UNC79: variants seen among roughly 807,000 people sequenced by gnomAD.
UNC79 encodes unc-79 subunit of NALCN channel complex.
UNC79 carries 37 observed loss-of-function variants against 283.1 expected under a neutral mutation model. The observed-to-expected ratio is 0.13, with a 90% CI of 0.10 to 0.17. UNC79 has a LOEUF of 0.17. UNC79 is among the 10% of genes least tolerant of loss of function. The probability of loss-of-function intolerance (pLI) is 1.00; values close to 1 mark genes in which losing one functional copy is unlikely to be tolerated. For synonymous variants in UNC79, 1,107 were observed against 1,200.2 expected, an observed-to-expected ratio of 0.92 and a Z score of 1.61; for missense variants, 2,272 against 3,211.1, an observed-to-expected ratio of 0.71 and a Z score of 7.07.
At chr14:93,399,573 C>A (rs917225251) in intron 1 of UNC79, among the ~76,000 whole-genome samples, 1 of 152,212 alleles carries the variant, frequency 6.6e-6, no homozygotes, top group Non-Finnish European at 1.5e-5. Flanking sequence ...TTTATTAGAT[C>A]CTTAATATGT....
intron 1 of UNC79, among the ~76,000 whole-genome samples, chr14:93,412,901 A>G (rs1336555968): frequency 2.0e-5 from 3 of 152,164 alleles, no homozygotes; most frequent in Non-Finnish European, 2.9e-5. Context: ...GAGTACTTCA[A>G]TCAGAAAAAA....
At chr14:93,471,453 A>G (rs68112619) in intron 2 of UNC79, among the ~76,000 whole-genome samples, 12,136 of 152,094 alleles carry the variant, frequency 0.08, 574 homozygotes, top group Middle Eastern at 0.19. Context: ...GCAGAGTCAA[A>G]CTCTTCTGAG....
intron 5 of UNC79, among the ~76,000 whole-genome samples, chr14:93,488,739 C>G (rs1415845161): frequency 6.6e-6 from 1 of 152,054 alleles, no homozygotes; most frequent in African/African-American, 2.4e-5. Flanking sequence ...GAGTTGATGT[C>G]TGGTGAGGGC....
chr14:93,396,525 G>T (rs986940865), intron 1 of UNC79, among the ~76,000 whole-genome samples: 3 of 151,920 alleles, frequency 2.0e-5, no homozygotes, highest in Admixed American at 1.3e-4. Context: ...TTGAAAGCTA[G>T]ACATTTTAAG....
chr14:93,452,637 C>A (rs1191150638), intron 1 of UNC79, among the ~76,000 whole-genome samples: 1 of 152,120 alleles, frequency 6.6e-6, no homozygotes, highest in Non-Finnish European at 1.5e-5. Context: ...ACCCACCCGC[C>A]TCGGCTTCCC....
At chr14:93,582,137 C>T (rs1027207115) in intron 19 of UNC79, 66 bp from the exon 20 acceptor site, 7 of 1,611,446 alleles carry the variant, frequency 4.3e-6, no homozygotes, top group Non-Finnish European at 5.1e-6. Flanking sequence ...CTTTGCTGAG[C>T]TGAGCAAACC....
chr14:93,460,641 A>C (rs545038714), intron 1 of UNC79, among the ~76,000 whole-genome samples: 2 of 152,278 alleles, frequency 1.3e-5, no homozygotes, highest in Non-Finnish European at 2.9e-5. Context: ...ACGATTTCTT[A>C]ATTCTTACCG....
rs1595160613 is a variant in UNC79 at position 93,704,190 on chromosome 14, T to A, written c.7549-435T>A. ...GGCATCTTGGAGTGGTCTTTCTCGC[T>A]CACTTAAGTGTTCCATCCACTGACC... On this transcript the variant is annotated intron_variant, in intron 47 of 48. Coordinates refer to ENST00000555664, the Ensembl canonical transcript of UNC79. Among the ~76,000 whole-genome samples, 4 of 152,352 alleles carry A rather than the reference T, an allele frequency of 2.6e-5. No homozygotes were observed. In the South Asian group the frequency reaches 8.3e-4, roughly 32 times the overall value.
At chr14:93,452,226 G>T (rs528668223) in intron 1 of UNC79, among the ~76,000 whole-genome samples, 3 of 151,790 alleles carry the variant, frequency 2.0e-5, no homozygotes, top group Non-Finnish European at 4.4e-5. Context: ...CTGTCTTTTC[G>T]TTCTTTTTTC....
chr14:93,394,702 C>T (rs555393500), intron 1 of UNC79, among the ~76,000 whole-genome samples: 22 of 151,880 alleles, frequency 1.4e-4, no homozygotes, highest in Admixed American at 2.6e-4. Flanking sequence ...CCACTGCACC[C>T]GGCCATTTTA....
chr14:93,484,107 G>A (rs2058286679), intron 4 of UNC79, among the ~76,000 whole-genome samples: 1 of 152,182 alleles, frequency 6.6e-6, no homozygotes, highest in Non-Finnish European at 1.5e-5. Context: ...CCACCACACT[G>A]TCTTCCACAA....
Position 93,617,325 on chromosome 14 carries a change from T to C in UNC79, c.4224+21T>C. The C allele has an allele frequency of 6.2e-7, 1 of 1,612,156 alleles. No homozygotes were observed. The highest frequency in any genetic ancestry group is 8.5e-7 in the Non-Finnish European group (1 of 1,178,850). ...ACAAGGTGAGCTGGGTGGTCACTGC[T>C]GTTTTGGATGCAATGGTTCTCTTAG... is the stretch of plus-strand genomic sequence containing the variant. On this transcript the variant is annotated intron_variant, in intron 28 of 48. Coordinates refer to ENST00000555664, the Ensembl canonical transcript of UNC79. This position sits in a 1 kb window ranked among gnomAD's most constrained non-coding sequence, Gnocchi z 4.5.
intron 1 of UNC79, among the ~76,000 whole-genome samples, chr14:93,431,459 G>C (rs1014456089): frequency 6.6e-6 from 1 of 151,998 alleles, no homozygotes; most frequent in Non-Finnish European, 1.5e-5. Flanking sequence ...AGCCTGCCTG[G>C]CCTTCTGAGC....
intron 32 of UNC79, among the ~76,000 whole-genome samples, chr14:93,637,700 C>T (rs756315311): frequency 6.6e-6 from 1 of 152,172 alleles, no homozygotes; most frequent in African/African-American, 2.4e-5. Flanking sequence ...TCAGGTGATC[C>T]ACCTGCCTCG....
chr14:93,682,539 C>A, intron 41 of UNC79, 78 bp from the exon 45 acceptor site: 1 of 1,278,506 alleles, frequency 7.8e-7, no homozygotes, highest in Non-Finnish European at 1.1e-6. Flanking sequence ...TTAATTTAAG[C>A]CAAGTTAATA....
At chr14:93,653,211 G>A (rs2140335241) in intron 35 of UNC79, among the ~76,000 whole-genome samples, 1 of 152,090 alleles carries the variant, frequency 6.6e-6, no homozygotes, top group East Asian at 1.9e-4. Flanking sequence ...GCACATGAAG[G>A]GTGAAGGTCA....
At chr14:93,578,122 C>T (rs981577474) in intron 18 of UNC79, 59 bp downstream of exon 18, 14 of 1,488,130 alleles carry the variant, frequency 9.4e-6, no homozygotes, top group Non-Finnish European at 9.2e-7. Flanking sequence ...AAGCGTTGTA[C>T]AGCAATTCTT....
chr14:93,557,913 T>G (rs1435573794), intron 14 of UNC79, among the ~76,000 whole-genome samples: 1 of 152,206 alleles, frequency 6.6e-6, no homozygotes, highest in Non-Finnish European at 1.5e-5. Flanking sequence ...CATTATCATG[T>G]GTCCTTTCAG....
At chr14:93,486,489 T>A (rs11847650) in intron 4 of UNC79, among the ~76,000 whole-genome samples, 129,852 of 151,608 alleles carry the variant, frequency 0.86, 55,764 homozygotes, top group East Asian at 0.93. Flanking sequence ...ACCCATCTCT[T>A]CTAAAAATAC....
Sources: gnomAD v4.1 joint callset for allele counts (sites outside exome capture counted in the v4.1 genomes callset) on GRCh38, gnomAD v4.1.1 for gene constraint, Gnocchi (gnomAD v3.1) non-coding constraint, MANE v1.5 for transcripts, NCBI Gene and HGNC (gene_info 2026-07-23, HGNC 2026-07-21) for gene names.